GLIS3: variants seen among roughly 807,000 people sequenced by gnomAD.
GLIS3 encodes GLIS family zinc finger 3.
A neutral mutation model predicts 78.6 loss-of-function variants in GLIS3; 53 were observed. The observed-to-expected ratio is 0.67, with a 90% confidence interval of 0.54 to 0.85. The LOEUF (loss-of-function observed/expected upper bound fraction) is 0.85, where lower values mean the gene tolerates loss of function less well. GLIS3 is among the 40% of genes least tolerant of loss of function. The pLI, the probability that GLIS3 is intolerant of heterozygous loss-of-function variation, is 0.00. For missense variants in GLIS3, 1,703 were observed against 1,231.1 expected, an observed-to-expected ratio of 1.38 and a Z score of -5.74; for synonymous variants, 684 against 509.9, an observed-to-expected ratio of 1.34 and a Z score of -4.60.
chr9:3,921,755 T>C (rs552269217), intron 6 of GLIS3, among the ~76,000 whole-genome samples: 94 of 152,306 alleles, frequency 6.2e-4, no homozygotes, highest in African/African-American at 2.1e-3. Flanking sequence ...ATATCTGTTA[T>C]ATATAGTTAC....
At chr9:4,416,175 C>A in the GLIS3 span, among the ~76,000 whole-genome samples, 1 of 139,170 alleles carries the variant, frequency 7.2e-6, no homozygotes, top group South Asian at 2.3e-4. Context: ...TCGCTTGAGC[C>A]CAGGAGGTTG....
At chr9:4,288,548 G>C (rs1304001636) in intron 1 of GLIS3, among the ~76,000 whole-genome samples, 1 of 152,032 alleles carries the variant, frequency 6.6e-6, no homozygotes, top group African/African-American at 2.4e-5. Context: ...AAAAAATCTG[G>C]ATAAAAACAC....
chr9:4,255,882 T>C (rs748873837), intron 2 of GLIS3, among the ~76,000 whole-genome samples: 1 of 152,100 alleles, frequency 6.6e-6, no homozygotes, highest in Non-Finnish European at 1.5e-5. Context: ...GATGTGTCAA[T>C]GCAGGTTCAT....
chr9:4,197,957 A>C (rs1819020953), intron 2 of GLIS3, among the ~76,000 whole-genome samples: 2 of 152,180 alleles, frequency 1.3e-5, no homozygotes, highest in African/African-American at 4.8e-5. Flanking sequence ...AGAAAGAGAC[A>C]AAAAGAAAGA....
chr9:4,299,369 G>A (rs778302786), intron 1 of GLIS3, 52 bp downstream of exon 1: 4 of 152,228 alleles, frequency 2.6e-5, no homozygotes, highest in Non-Finnish European at 4.4e-5. Context: ...TCAAGCGCCC[G>A]GTTTCTCCTC....
At position 4,102,461 on chromosome 9, in the gene GLIS3, G is replaced by A. The variant is rs546668237; in HGVS notation, c.1710+15307C>T. Among the ~76,000 whole-genome samples the A allele has an allele frequency of 1.1e-4, 16 of 152,202 alleles. No homozygotes were observed. In the East Asian group the frequency reaches 1.9e-3, roughly 18 times the overall value. On this transcript the variant is annotated intron_variant, in intron 4 of 10. Coordinates refer to ENST00000381971, the MANE Select transcript of GLIS3 (RefSeq NM_001042413.2). Reference sequence around the variant, plus strand: ...CTGTCACTCAGTGTTTCTCAACCAGGGGCAGTTTTTCTCCACAGGAGACAT... The same window carrying A: ...CTGTCACTCAGTGTTTCTCAACCAGAGGCAGTTTTTCTCCACAGGAGACAT...
chr9:4,003,197 T>A lies in GLIS3; in HGVS notation c.1711-66008A>T, dbSNP rs566272068. 8.5e-5 allele frequency among the ~76,000 whole-genome samples: 13 copies of A among 152,232 alleles called. 1 individual carries two copies. The South Asian group carries it at 2.7e-3, about 32-fold the overall frequency. On this transcript the variant is annotated intron_variant, in intron 4 of 10. Transcript: ENST00000381971. ...GAGTCTGAGACCAGCCTGGGCAACATAGCAAGATCCCATCTCTGTTTTAAA... is the reference window on the plus strand; with the variant it reads ...GAGTCTGAGACCAGCCTGGGCAACAAAGCAAGATCCCATCTCTGTTTTAAA...
At chr9:3,927,792 A>G (rs1825351889) in intron 6 of GLIS3, among the ~76,000 whole-genome samples, 1 of 152,274 alleles carries the variant, frequency 6.6e-6, no homozygotes, top group Admixed American at 6.5e-5. Context: ...CATAGCTGGC[A>G]GCATATTGGG....
intron 4 of GLIS3, among the ~76,000 whole-genome samples, chr9:3,996,135 ACTGT>A (rs1159402034): frequency 1.3e-5 from 2 of 152,186 alleles, no homozygotes; most frequent in African/African-American, 4.8e-5. Context: ...GTGAGAAGTA[ACTGT>A]CTATCAAAAT....
chr9:4,409,547 T>A, the GLIS3 span, among the ~76,000 whole-genome samples: 1 of 152,186 alleles, frequency 6.6e-6, no homozygotes, highest in South Asian at 2.1e-4. Flanking sequence ...CTTACTAGTA[T>A]AATGATAATT....
At chr9:3,863,602 A>T (rs1437319765) in intron 8 of GLIS3, among the ~76,000 whole-genome samples, 1 of 152,250 alleles carries the variant, frequency 6.6e-6, no homozygotes, top group Non-Finnish European at 1.5e-5. Context: ...CTCAAAAATG[A>T]TGGCCTGAAC....
At chr9:4,157,432 G>A (rs908236021) in intron 2 of GLIS3, among the ~76,000 whole-genome samples, 2 of 152,114 alleles carry the variant, frequency 1.3e-5, no homozygotes, top group African/African-American at 4.8e-5. Context: ...ACAATGAAAT[G>A]TTCATCTCAT....
intron 8 of GLIS3, among the ~76,000 whole-genome samples, chr9:3,868,976 T>C (rs1472372009): frequency 6.6e-6 from 1 of 152,302 alleles, no homozygotes; most frequent in East Asian, 1.9e-4. Flanking sequence ...CAGGCCCCTA[T>C]ATCATCCCTT....
At chr9:4,319,983 T>TTG (rs58794068) in intron 2 of GLIS3, among the ~76,000 whole-genome samples, 13,242 of 144,864 alleles carry the variant, frequency 0.091, 676 homozygotes, top group Non-Finnish European at 0.12. Flanking sequence ...GTAGAGGGGG[T>TTG]TGTGTGTGTG....
the GLIS3 span, among the ~76,000 whole-genome samples, chr9:4,467,982 C>T: frequency 7.9e-3 from 1,205 of 152,214 alleles, 11 homozygotes; most frequent in African/African-American, 0.028. Flanking sequence ...ATGAGAACTA[C>T]GTGACACAGG....
chr9:4,278,497 T>C (rs1022896010), intron 2 of GLIS3, among the ~76,000 whole-genome samples: 25 of 152,140 alleles, frequency 1.6e-4, no homozygotes, highest in African/African-American at 6.0e-4. Context: ...AGTTTGAGCA[T>C]CACAAAGAAT....
At chr9:4,070,983 T>A (rs1364117460) in intron 4 of GLIS3, 1 of 152,214 alleles carries the variant, frequency 6.6e-6, no homozygotes, top group Admixed American at 6.5e-5. Flanking sequence ...TGTCATTATT[T>A]TTTCCTTTCA....
intron 4 of GLIS3, among the ~76,000 whole-genome samples, chr9:4,084,294 C>CAA (rs771157196): frequency 1.2e-5 from 1 of 86,090 alleles, no homozygotes. Context: ...CACACACACA[C>CAA]AAATTCCTAG....
intron 2 of GLIS3, among the ~76,000 whole-genome samples, chr9:4,257,784 G>T (rs10124777): frequency 6.6e-6 from 1 of 151,692 alleles, no homozygotes; most frequent in African/African-American, 2.4e-5. Context: ...TGTGTTAGCC[G>T]GGATGGTCTC....
Sources: allele counts gnomAD v4.1 joint callset (sites outside exome capture counted in the v4.1 genomes callset), GRCh38; gene constraint gnomAD v4.1.1; transcripts MANE v1.5; gene names NCBI Gene and HGNC (gene_info 2026-07-23, HGNC 2026-07-21).